Variants in IL16 observed in about 807,000 individuals in gnomAD.
The protein encoded by IL16 is pro-interleukin-16.
IL16 carries 67 observed loss-of-function variants against 110.1 expected under a neutral mutation model. That is an observed-to-expected ratio of 0.61 (90% CI 0.50 to 0.75). The LOEUF is 0.75. Ranked by LOEUF, IL16 falls within the 30% of genes least tolerant of loss-of-function variation. IL16 has a pLI of 0.00. For synonymous variants in IL16, 689 were observed against 662.9 expected, an observed-to-expected ratio of 1.04 and a Z score of -0.61; for missense variants, 1,545 against 1,655.0, an observed-to-expected ratio of 0.93 and a Z score of 1.15.
intron 1 of IL16, among the ~76,000 whole-genome samples, chr15:81,203,617 AG>A (rs1414796662): frequency 1.3e-5 from 2 of 152,114 alleles, no homozygotes; most frequent in African/African-American, 2.4e-5. Context: ...GGTTTGTCAA[AG>A]ATCAGATAGT....
Position 81,299,481 on chromosome 15 carries a change from G to T in IL16, c.2155G>T (p.Asp719Tyr). ...TAEDPWVRIS[D>Y]CIKNLFSPIM... ...CGAAGACCCTTGGGTTAGGATTTCTGACTGCATCAAAAACTTATTTAGCCC... is the reference window on the plus strand; with the variant it reads ...CGAAGACCCTTGGGTTAGGATTTCTTACTGCATCAAAAACTTATTTAGCCC... The change falls in exon 14 of 19, where the codon GAC (aspartate) becomes TAC (tyrosine). Residue 719 changes from aspartate (D) to tyrosine (Y), a missense_variant. Around this residue, in one of 3 missense-constraint regions of IL16, gnomAD observed 1,185 missense variants for 1,238.8 expected, o/e 0.96. Transcript: ENST00000683961. 1 of 1,614,158 alleles carries T rather than the reference G, an allele frequency of 6.2e-7. No homozygotes were observed. Among genetic ancestry groups the T allele is most frequent in the Non-Finnish European group, 8.5e-7 (1 of 1,180,032 alleles).
At chr15:81,210,083 TG>T (rs1230725619) in intron 1 of IL16, among the ~76,000 whole-genome samples, 1 of 152,220 alleles carries the variant, frequency 6.6e-6, no homozygotes, top group Non-Finnish European at 1.5e-5. Context: ...CTTCAGCATA[TG>T]GCTAGCCAGT....
intron 6 of IL16, 107 bp downstream of exon 6, chr15:81,273,311 T>G (rs67847307): frequency 0.19 from 143,185 of 749,614 alleles, 14,709 homozygotes; most frequent in Middle Eastern, 0.23. Context: ...TCTTGAGTTG[T>G]CAGGATACGG....
intron 2 of IL16, among the ~76,000 whole-genome samples, chr15:81,246,179 T>C (rs899530539): frequency 5.3e-5 from 8 of 152,214 alleles, no homozygotes; most frequent in Admixed American, 5.2e-4. Flanking sequence ...GTTTTAACTC[T>C]TTCCGCAAAG....
At chr15:81,245,582 GA>G (rs1253439546) in intron 2 of IL16, among the ~76,000 whole-genome samples, 1 of 111,456 alleles carries the variant, frequency 9.0e-6, no homozygotes, top group Non-Finnish European at 1.9e-5. Flanking sequence ...GGGAAAGATG[GA>G]AGTCTAGCCA....
chr15:81,307,150 A>G (rs537820450), intron 18 of IL16, among the ~76,000 whole-genome samples: 13 of 152,298 alleles, frequency 8.5e-5, no homozygotes, highest in Admixed American at 2.0e-4. Context: ...GACTGTGGCT[A>G]CCATGTAAAA....
rs566719382 is a variant in IL16, at chr15:81,306,100, G to T, written c.3613G>T (p.Asp1205Tyr). 6 of 1,614,012 alleles carry T rather than the reference G, an allele frequency of 3.7e-6. No individual in the cohort carries two copies. In the African/African-American group the frequency reaches 4.0e-5, roughly 11 times the overall value. Residue 1205 changes from aspartate (D) to tyrosine (Y), a missense_variant, in exon 17 of 19, where the codon GAC becomes TAC. Around this residue, in one of 3 missense-constraint regions of IL16, gnomAD observed 356 missense variants for 399.3 expected, o/e 0.89. Transcript: ENST00000683961. Reference protein sequence around the residue: ...TRKLTPEAMPDLNSSTDSAAS... With the variant: ...TRKLTPEAMPYLNSSTDSAAS... ...GAAGCTGACTCCAGAGGCCATGCCC[G>T]ACCTCAACTCCTCCACTGACTCTGC...
At chr15:81,219,547 C>T (rs535838801) in intron 1 of IL16, among the ~76,000 whole-genome samples, 5 of 152,210 alleles carry the variant, frequency 3.3e-5, no homozygotes, top group South Asian at 2.1e-4. Flanking sequence ...CCTGATGCCC[C>T]GCTCATGCCT....
Position 81,279,726 on chromosome 15 carries a change from A to G in IL16, c.1033A>G (p.Thr345Ala), listed in dbSNP as rs771388895. 1 of 1,614,226 alleles carries G rather than the reference A, an allele frequency of 6.2e-7. No homozygotes were observed. Among genetic ancestry groups the G allele is most frequent in the Non-Finnish European group, 8.5e-7 (1 of 1,180,050 alleles). ...GGAAAGCCCCTCGGCTCCCATCAGC[A>G]CCGCCAAGCCCAATTACAGAATCAT... ...ALESPSAPIS[T>A]AKPNYRIMVE... is the part of the protein sequence containing the mutation. Residue 345 changes from threonine (T) to alanine (A), a missense_variant, in exon 8 of 19, where the codon ACC becomes GCC. This residue lies in a region of IL16 where 1,185 missense variants were observed against 1,238.8 expected (regional missense o/e 0.96). Transcript: ENST00000683961.
At chr15:81,262,793 T>A (rs1898209916) in intron 3 of IL16, among the ~76,000 whole-genome samples, 1 of 151,412 alleles carries the variant, frequency 6.6e-6, no homozygotes. Flanking sequence ...TAGCCGGGAG[T>A]GGTGGCACAC....
intron 2 of IL16, among the ~76,000 whole-genome samples, chr15:81,231,294 G>A (rs77788295): frequency 0.014 from 2,071 of 148,400 alleles, 60 homozygotes; most frequent in African/African-American, 0.049. Context: ...GAGGAGGGGA[G>A]GGGAGGGGAG....
intron 2 of IL16, among the ~76,000 whole-genome samples, chr15:81,244,134 A>C (rs1412368472): frequency 1.3e-5 from 2 of 152,186 alleles, no homozygotes; most frequent in Non-Finnish European, 1.5e-5. Flanking sequence ...TACCTCGTTT[A>C]TGCTATAATT....
At position 81,285,688 on chromosome 15, in the gene IL16, G is replaced by A; in HGVS notation, c.1200-10G>A. 6.2e-7 allele frequency: 1 copy of A among 1,613,578 alleles called. No homozygotes were observed. The highest frequency in any genetic ancestry group is 1.3e-5 in the African/African-American group (1 of 74,998). ...CACTTACTGATGGCTTCTTATTGAT[G>A]CTTGCACAGGTGTGGGGACGAGATT... is the stretch of plus-strand genomic sequence containing the variant. On this transcript the variant is annotated splice_polypyrimidine_tract_variant and intron_variant, in intron 9 of 18. Coordinates refer to ENST00000683961, the MANE Select transcript of IL16 (RefSeq NM_172217.5).
At chr15:81,253,517 T>C (rs1003098001) in intron 2 of IL16, among the ~76,000 whole-genome samples, 1 of 152,174 alleles carries the variant, frequency 6.6e-6, no homozygotes, top group Non-Finnish European at 1.5e-5. Flanking sequence ...GCTTTTTGTA[T>C]CGTATTGAAG....
chr15:81,265,994 T>C (rs369446760), intron 4 of IL16, among the ~76,000 whole-genome samples, 193 bp downstream of exon 4: 1 of 152,302 alleles, frequency 6.6e-6, no homozygotes, highest in South Asian at 2.1e-4. Context: ...GAAATGGTCA[T>C]CCATTGAGCG....
At chr15:81,250,112 T>C (rs1036158511) in intron 2 of IL16, among the ~76,000 whole-genome samples, 26 of 152,302 alleles carry the variant, frequency 1.7e-4, no homozygotes, top group Non-Finnish European at 3.4e-4. Flanking sequence ...CACTCCATAA[T>C]TGGAAGTCTT....
intron 2 of IL16, among the ~76,000 whole-genome samples, chr15:81,241,056 CTCTT>C (rs1897321590): frequency 6.6e-6 from 1 of 152,052 alleles, no homozygotes; most frequent in African/African-American, 2.4e-5. Flanking sequence ...TGAAAAGTGT[CTCTT>C]TCCCCACAGA....
At chr15:81,295,439 T>G (rs772315555) in intron 12 of IL16, 32 of 1,289,126 alleles carry the variant, frequency 2.5e-5, no homozygotes, top group Non-Finnish European at 3.0e-5. Context: ...TTGACTGCAG[T>G]TGGTATCACA....
In IL16 at chr15:81,306,437, T is replaced by C. The variant is rs1344278374; in HGVS notation, c.3697T>C (p.Cys1233Arg). Residue 1233 changes from cysteine (C) to arginine (R), a missense_variant, in exon 18 of 19, where the codon TGC (cysteine) becomes CGC (arginine). Physicochemically the swap from Cys to Arg is radical, Grantham distance 180 (BLOSUM62 -3). Coordinates refer to ENST00000683961, the MANE Select transcript of IL16 (RefSeq NM_172217.5). Reference protein sequence around the residue: ...SVESTAEATVCTVTLEKMSAG... With the variant: ...SVESTAEATVRTVTLEKMSAG... ...TTTCTCAGCAGCAGAGGCCACAGTC[T>C]GCACGGTGACACTGGAGAAGATGTC... 1 of 1,614,118 alleles carries C rather than the reference T, an allele frequency of 6.2e-7. No homozygotes were observed. Among genetic ancestry groups the C allele is most frequent in the South Asian group, 1.1e-5 (1 of 91,080 alleles).
Sources: allele counts gnomAD v4.1 joint callset (sites outside exome capture counted in the v4.1 genomes callset), GRCh38; gene constraint gnomAD v4.1.1; regional missense constraint gnomAD v4.1.1; transcripts MANE v1.5; gene names NCBI Gene and HGNC (gene_info 2026-07-23, HGNC 2026-07-21).